The following LDLRAD4 variants were observed in gnomAD, a reference collection of about 807,000 sequenced individuals.
The protein encoded by LDLRAD4 is low density lipoprotein receptor class A domain containing 4, also known as low-density lipoprotein receptor class A domain-containing protein 4.
A neutral mutation model predicts 17.0 loss-of-function variants in LDLRAD4; 5 were observed. That is an observed-to-expected ratio of 0.29 (90% CI 0.15 to 0.62). The LOEUF is 0.62. Ranked by LOEUF, LDLRAD4 falls within the 20% of genes least tolerant of loss-of-function variation. LDLRAD4 has a pLI of 0.84. For synonymous variants in LDLRAD4, 168 were observed against 171.8 expected (o/e 0.98, Z 0.17); for missense variants, 340 against 424.7 (o/e 0.80, Z 1.75).
intron 3 of LDLRAD4, among the ~76,000 whole-genome samples, chr18:13,523,257 T>G (rs928513525): frequency 2.0e-5 from 3 of 152,192 alleles, no homozygotes; most frequent in African/African-American, 7.2e-5. Flanking sequence ...ACATCCCCGA[T>G]CAATTCATGA....
chr18:13,587,713 C>A (rs992821825), intron 3 of LDLRAD4, among the ~76,000 whole-genome samples: 4 of 152,192 alleles, frequency 2.6e-5, no homozygotes, highest in African/African-American at 9.7e-5. Flanking sequence ...GGGCCACTGT[C>A]CCAGTGGGGC....
intron 1 of LDLRAD4, among the ~76,000 whole-genome samples, chr18:13,289,797 T>C (rs2045861766): frequency 6.6e-6 from 1 of 152,188 alleles, no homozygotes; most frequent in Non-Finnish European, 1.5e-5. Flanking sequence ...TTGCTGAAGT[T>C]GGGTGCTCGA....
At chr18:13,225,176 T>A (rs2041715733) in intron 1 of LDLRAD4, among the ~76,000 whole-genome samples, 1 of 152,206 alleles carries the variant, frequency 6.6e-6, no homozygotes. Flanking sequence ...GGTAAATGAA[T>A]CATGCATATT....
chr18:13,267,570 G>C (rs72869846), intron 1 of LDLRAD4, among the ~76,000 whole-genome samples: 1 of 152,194 alleles, frequency 6.6e-6, no homozygotes, highest in South Asian at 2.1e-4. Context: ...GAGATCAGCC[G>C]TCAGTTTTCG....
rs2042969432 is a variant in LDLRAD4, at chr18:13,645,427, C to T, written c.691C>T (p.Pro231Ser). 1 of 1,614,110 alleles carries T rather than the reference C, an allele frequency of 6.2e-7. No homozygotes were observed. The highest frequency in any genetic ancestry group is 8.5e-7 in the Non-Finnish European group (1 of 1,180,034). ...TATGTATAGCGGGGGTCCATGCCCA[C>T]CCAGCAGCAACTCGGGCATCAGTGC... Residue 231 changes from proline (P) to serine (S), a missense_variant, in exon 6 of 6, where the codon CCC becomes TCC. Coordinates refer to ENST00000359446, the Ensembl canonical transcript of LDLRAD4. The surrounding 1 kb of genome is among the most constrained non-coding windows in gnomAD (Gnocchi z 5.7).
chr18:13,244,618 T>C (rs1272185870), intron 1 of LDLRAD4, among the ~76,000 whole-genome samples: 2 of 152,300 alleles, frequency 1.3e-5, no homozygotes, highest in South Asian at 2.1e-4. Context: ...GTGGGTTGTA[T>C]TGTGGTTAAT....
chr18:13,446,604 C>G (rs1294941383), intron 3 of LDLRAD4, among the ~76,000 whole-genome samples: 1 of 152,222 alleles, frequency 6.6e-6, no homozygotes, highest in Non-Finnish European at 1.5e-5. Flanking sequence ...TGTGTCCTGT[C>G]CAGGTAGTAC....
chr18:13,333,719 A>T (rs1378996973), intron 1 of LDLRAD4, among the ~76,000 whole-genome samples: 1 of 152,080 alleles, frequency 6.6e-6, no homozygotes, highest in Non-Finnish European at 1.5e-5. Flanking sequence ...GACTATTTTT[A>T]TATCAGTCTC....
rs949153685 is a variant in LDLRAD4 at position 13,382,851 on chromosome 18, G to T, written c.-382-4490G>T. 6 of 152,338 alleles carry T rather than the reference G, an allele frequency of 3.9e-5. No homozygotes were observed. In the East Asian group the frequency reaches 5.8e-4, roughly 15 times the overall value. The allele number at this position is 152,338 out of a possible 1,614,324, so 9.4% of individuals were successfully genotyped here. A position where few individuals can be genotyped will look rare whatever the true frequency, so the allele number is the denominator to read the frequency against. On this transcript the variant is annotated intron_variant, in intron 1 of 5. Transcript: ENST00000359446. ...CAGTGCCTTCAGGGCAAGAGGCCCA[G>T]GGTCAGTCCTGCTCTCCTGCTGCCA...
chr18:13,424,958 G>A (rs993685504), intron 2 of LDLRAD4, among the ~76,000 whole-genome samples: 1 of 152,210 alleles, frequency 6.6e-6, no homozygotes, highest in African/African-American at 2.4e-5. Flanking sequence ...TTGAGGTCGA[G>A]GAGTGACATG....
At chr18:13,387,712 C>T (rs148609804) in exon 2 of LDLRAD4, 38 of 1,613,702 alleles carry the variant, frequency 2.4e-5, no homozygotes, top group African/African-American at 1.7e-4. Flanking sequence ...CAGGCTTGTC[C>T]GGGGAGCAGT....
intron 4 of LDLRAD4, among the ~76,000 whole-genome samples, chr18:13,629,796 A>T (rs558476318): frequency 6.6e-6 from 1 of 151,210 alleles, no homozygotes; most frequent in Non-Finnish European, 1.5e-5. Flanking sequence ...AAAGAGAAGA[A>T]GATTAAAAAT....
chr18:13,335,783 A>G (rs1187755457), intron 1 of LDLRAD4, among the ~76,000 whole-genome samples: 1 of 152,202 alleles, frequency 6.6e-6, no homozygotes, highest in African/African-American at 2.4e-5. Flanking sequence ...AAGCAGTAAC[A>G]TATGGATTTG....
rs982103614 is a variant in LDLRAD4 at position 13,622,401 on chromosome 18, C to T, written c.336+1130C>T. On this transcript the variant is annotated intron_variant, in intron 4 of 5. Coordinates refer to ENST00000359446, the Ensembl canonical transcript of LDLRAD4. This position sits in a 1 kb window ranked among gnomAD's most constrained non-coding sequence, Gnocchi z 5.3. The stretch of plus-strand genomic sequence containing the variant: ...TCTTCAGACCATGGTGAGGGCTAGA[C>T]GGGGCAGCCTCGGGGAGGAGATGGG... Among the ~76,000 whole-genome samples, 3 of 152,260 alleles carry T rather than the reference C, an allele frequency of 2.0e-5. No individual in the cohort carries two copies. Among genetic ancestry groups the T allele is most frequent in the South Asian group, 2.1e-4 (1 of 4,826 alleles).
chr18:13,421,218 A>C (rs956440530), intron 2 of LDLRAD4: 1 of 152,232 alleles, frequency 6.6e-6, no homozygotes, highest in Non-Finnish European at 1.5e-5. Context: ...CCTGTGTGGG[A>C]ATAGTTTTGT....
chr18:13,542,606 G>A (rs902710314), intron 3 of LDLRAD4: 1 of 152,386 alleles, frequency 6.6e-6, no homozygotes, highest in Non-Finnish European at 1.5e-5. Context: ...CCAGGGAGGT[G>A]TGGACATTCA....
intron 1 of LDLRAD4, among the ~76,000 whole-genome samples, chr18:13,244,540 C>T (rs745582949): frequency 1.8e-4 from 28 of 152,236 alleles, no homozygotes; most frequent in South Asian, 4.1e-4. Flanking sequence ...TACCTACCTA[C>T]GTCTCTCTTT....
chr18:13,371,253 G>T (rs903852394), intron 1 of LDLRAD4, among the ~76,000 whole-genome samples: 4 of 152,184 alleles, frequency 2.6e-5, no homozygotes, highest in African/African-American at 9.6e-5. Flanking sequence ...AGATGGGGGG[G>T]CCAGGGCTGG....
intron 3 of LDLRAD4, among the ~76,000 whole-genome samples, chr18:13,610,385 G>T (rs148059722): frequency 0.07 from 9,900 of 142,126 alleles, 892 homozygotes; most frequent in African/African-American, 0.22. Context: ...CCTCCCAGTT[G>T]CAAGCAATTC....
Sources: gnomAD v4.1 joint callset for allele counts (sites outside exome capture counted in the v4.1 genomes callset) on GRCh38, gnomAD v4.1.1 for gene constraint, Gnocchi (gnomAD v3.1) non-coding constraint, MANE v1.5 for transcripts, NCBI Gene and HGNC (gene_info 2026-07-23, HGNC 2026-07-21) for gene names.